ADAM22: variants seen among roughly 807,000 people sequenced by gnomAD.
The protein encoded by ADAM22 is ADAM metallopeptidase domain 22.
Under a neutral mutation model 144.6 loss-of-function variants are expected in ADAM22, and 65 were observed. That is an observed-to-expected ratio of 0.45 (90% CI 0.37 to 0.55). ADAM22 has a LOEUF of 0.55. Ranked by LOEUF, ADAM22 falls within the 20% of genes least tolerant of loss-of-function variation. The pLI, the probability that ADAM22 is intolerant of heterozygous loss-of-function variation, is 0.00. For missense variants in ADAM22, 974 were observed against 1,184.9 expected (o/e 0.82, Z 2.61); for synonymous variants, 391 against 412.6 (o/e 0.95, Z 0.63).
chr7:88,008,835 A>G (rs1467320373), intron 3 of ADAM22, among the ~76,000 whole-genome samples: 1 of 151,820 alleles, frequency 6.6e-6, no homozygotes, highest in Non-Finnish European at 1.5e-5. Flanking sequence ...AGCATGGCAC[A>G]TGTATACATA....
intron 10 of ADAM22, 120 bp from the exon 11 acceptor site, chr7:88,131,149 T>C: frequency 1.3e-6 from 1 of 762,950 alleles, no homozygotes; most frequent in African/African-American, 1.8e-5. Flanking sequence ...AATTAGAAAG[T>C]TATCTCCCTT....
At chr7:88,131,206 GT>G in intron 10 of ADAM22, 62 bp from the exon 11 acceptor site, 1 of 1,448,822 alleles carries the variant, frequency 6.9e-7, no homozygotes, top group South Asian at 1.2e-5. Context: ...TTGTAGTCCT[GT>G]TCATAAACTA....
intron 3 of ADAM22, among the ~76,000 whole-genome samples, chr7:88,007,323 C>G (rs540475556): frequency 6.6e-6 from 1 of 152,230 alleles, no homozygotes; most frequent in Admixed American, 6.5e-5. Flanking sequence ...GCCATACTGC[C>G]CCAGGTAATT....
At chr7:87,938,125 A>G (rs1157377551) in intron 2 of ADAM22, among the ~76,000 whole-genome samples, 1 of 151,770 alleles carries the variant, frequency 6.6e-6, no homozygotes, top group Admixed American at 6.6e-5. Context: ...GAAAAACATA[A>G]GTTGATTTTT....
chr7:88,092,966 G>A (rs1023536), intron 4 of ADAM22, among the ~76,000 whole-genome samples: 102,322 of 151,700 alleles, frequency 0.67, 36,918 homozygotes, highest in East Asian at 0.9. Flanking sequence ...TTTTCCCCCA[G>A]TTAACTATCT....
At chr7:87,935,680 G>A (rs1192980214) in intron 2 of ADAM22, among the ~76,000 whole-genome samples, 2 of 152,140 alleles carry the variant, frequency 1.3e-5, no homozygotes, top group Non-Finnish European at 2.9e-5. Context: ...GGTTCTATTC[G>A]CACACATTTG....
chr7:88,008,954 C>A (rs1391195004), intron 3 of ADAM22, among the ~76,000 whole-genome samples: 2 of 151,532 alleles, frequency 1.3e-5, no homozygotes, highest in African/African-American at 4.8e-5. Flanking sequence ...ACTGTCTATA[C>A]TGAGAATATA....
chr7:88,011,714 TTCTC>T (rs139701122), intron 3 of ADAM22, among the ~76,000 whole-genome samples: 8,194 of 148,558 alleles, frequency 0.055, 235 homozygotes, highest in Middle Eastern at 0.069. Flanking sequence ...TTCTTTCTCT[TTCTC>T]TCTCTCTCTC....
Position 87,934,378 on chromosome 7 carries a change from C to A in ADAM22, c.-88C>A. 2 of 1,370,480 alleles carry A rather than the reference C, an allele frequency of 1.5e-6. No homozygotes were observed. Among genetic ancestry groups the A allele is most frequent in the Non-Finnish European group, 9.9e-7 (1 of 1,011,872 alleles). 84.9% of individuals were successfully genotyped at this position (1,370,480 alleles called of 1,614,324 possible). On this transcript the variant is annotated 5_prime_UTR_variant, in exon 1 of 32. Transcript: ENST00000413139. ...GCTGGGTGGAGGTGGCCGCGGGGAC[C>A]CCGGGGGCGCGGAGCGAGGGAAACG...
chr7:88,012,865 A>G (rs1301464468), intron 3 of ADAM22, among the ~76,000 whole-genome samples: 1 of 152,202 alleles, frequency 6.6e-6, no homozygotes, highest in Non-Finnish European at 1.5e-5. Flanking sequence ...GTTAGGTAGG[A>G]TAAAGTTCTG....
chr7:88,145,267 G>A, intron 16 of ADAM22, 71 bp downstream of exon 16: 13 of 1,543,714 alleles, frequency 8.4e-6, no homozygotes, highest in Non-Finnish European at 1.2e-5. Flanking sequence ...ACACTGAGAT[G>A]TATGGAGCAA....
In ADAM22 at chr7:88,202,561, C is replaced by T. The variant is rs1274812378; in HGVS notation, c.*6070C>T. The T allele has an allele frequency of 6.6e-6, 1 of 152,168 alleles. No individual in the cohort carries two copies. 9.4% of individuals were successfully genotyped at this position (152,168 alleles called of 1,614,324 possible). A position where few individuals can be genotyped will look rare whatever the true frequency, so the allele number is the denominator to read the frequency against. On this transcript the variant is annotated 3_prime_UTR_variant, in exon 32 of 32. Transcript: ENST00000413139. ...TATACTTAGATTCGCATTATTTTAACATTTCTCTGCTACTCTGCACTTCAG... is the reference window on the plus strand; with the variant it reads ...TATACTTAGATTCGCATTATTTTAATATTTCTCTGCTACTCTGCACTTCAG...
At chr7:87,954,460 G>T in intron 2 of ADAM22, among the ~76,000 whole-genome samples, 1 of 152,176 alleles carries the variant, frequency 6.6e-6, no homozygotes, top group East Asian at 1.9e-4. Flanking sequence ...TAAGAATGTT[G>T]AATAGTGGCC....
chr7:88,021,904 G>A (rs1398510930), intron 3 of ADAM22, among the ~76,000 whole-genome samples: 1 of 150,736 alleles, frequency 6.6e-6, no homozygotes, highest in Admixed American at 6.6e-5. Context: ...ACAGGGTCTC[G>A]CTCTGTCGCT....
chr7:87,940,263 T>C (rs1842223029), intron 2 of ADAM22, among the ~76,000 whole-genome samples: 1 of 151,914 alleles, frequency 6.6e-6, no homozygotes, highest in South Asian at 2.1e-4. Flanking sequence ...GTATGCATTG[T>C]ATGCATCAAA....
intron 4 of ADAM22, among the ~76,000 whole-genome samples, chr7:88,095,149 T>G (rs1037771094): frequency 6.6e-6 from 1 of 152,196 alleles, no homozygotes; most frequent in African/African-American, 2.4e-5. Flanking sequence ...ACTGCTAGTT[T>G]CTGATTCCAC....
At chr7:87,938,367 C>T (rs1841772266) in intron 2 of ADAM22, among the ~76,000 whole-genome samples, 3 of 151,626 alleles carry the variant, frequency 2.0e-5, no homozygotes, top group African/African-American at 7.3e-5. Context: ...TACAGGCACC[C>T]ACCACCATGC....
chr7:88,038,926 A>G (rs1247353858), intron 3 of ADAM22, among the ~76,000 whole-genome samples: 1 of 151,692 alleles, frequency 6.6e-6, no homozygotes. Flanking sequence ...GACTATAGGC[A>G]TGTGAGGCCA....
chr7:87,968,315 A>G (rs1046896139), intron 2 of ADAM22, among the ~76,000 whole-genome samples: 6 of 152,208 alleles, frequency 3.9e-5, no homozygotes, highest in Non-Finnish European at 1.5e-5. Context: ...CCTGGGATCC[A>G]CTGCAGACCA....
Sources: allele counts gnomAD v4.1 joint callset (sites outside exome capture counted in the v4.1 genomes callset), GRCh38; gene constraint gnomAD v4.1.1; transcripts MANE v1.5; gene names NCBI Gene and HGNC (gene_info 2026-07-23, HGNC 2026-07-21).